The following FOXJ3 variants were observed in gnomAD, a reference collection of about 807,000 sequenced individuals.
The protein encoded by FOXJ3 is forkhead box J3.
FOXJ3 carries 22 observed loss-of-function variants against 76.1 expected under a neutral mutation model. The ratio of observed to expected loss-of-function variants is 0.29; its 90% CI spans 0.21 to 0.41. The LOEUF (loss-of-function observed/expected upper bound fraction) is 0.41, where lower values mean the gene tolerates loss of function less well. FOXJ3 is among the 10% of genes least tolerant of loss of function. The pLI, the probability that FOXJ3 is intolerant of heterozygous loss-of-function variation, is 1.00. For missense variants in FOXJ3, 613 were observed against 762.1 expected (o/e 0.80, Z 2.30); for synonymous variants, 269 against 261.2 (o/e 1.03, Z -0.29).
chr1:42,308,601 G>A (rs1046596995), intron 2 of FOXJ3, among the ~76,000 whole-genome samples: 3 of 152,072 alleles, frequency 2.0e-5, no homozygotes, highest in Non-Finnish European at 2.9e-5. Context: ...AGGGCTTCTC[G>A]GTTTATAAAT....
chr1:42,226,850 GATCTTT>G (rs1647611198), intron 5 of FOXJ3, among the ~76,000 whole-genome samples: 1 of 152,160 alleles, frequency 6.6e-6, no homozygotes, highest in African/African-American at 2.4e-5. Context: ...CCCAGTTTGA[GATCTTT>G]ATCTTTGAGG....
intron 4 of FOXJ3, among the ~76,000 whole-genome samples, chr1:42,263,862 TTTAG>T (rs1358824801): frequency 1.3e-5 from 2 of 149,552 alleles, no homozygotes; most frequent in African/African-American, 4.9e-5. Flanking sequence ...CTTGCATAAA[TTTAG>T]ATTTTAAGGG....
At chr1:42,250,798 CAAAAAAAAAAAA>C (rs61431089) in intron 4 of FOXJ3, among the ~76,000 whole-genome samples, 1 of 23,772 alleles carries the variant, frequency 4.2e-5, no homozygotes, top group Admixed American at 4.1e-4. Flanking sequence ...AACTCCATCT[CAAAAAAAAAAAA>C]AAAAAAAAAA....
intron 1 of FOXJ3, among the ~76,000 whole-genome samples, chr1:42,315,080 CA>C (rs369807638): frequency 1.0e-3 from 156 of 152,330 alleles, no homozygotes; most frequent in African/African-American, 3.6e-3. Flanking sequence ...GAAAACGACA[CA>C]AAAGACCACA....
intron 3 of FOXJ3, among the ~76,000 whole-genome samples, chr1:42,277,868 T>A (rs1454316119): frequency 1.4e-5 from 2 of 146,982 alleles, no homozygotes. Context: ...TCCCAGCTAC[T>A]CAGGAGGCTG....
chr1:42,182,005 A>G lies in FOXJ3; in HGVS notation c.1665T>C (p.Ser555=). 6.2e-7 allele frequency: 1 copy of G among 1,610,756 alleles called. No individual in the cohort carries two copies. The highest frequency in any genetic ancestry group is 8.5e-7 in the Non-Finnish European group (1 of 1,177,498). The stretch of plus-strand genomic sequence containing the variant: ...TCACTGAAGGAGGGAGATTTTGCCT[A>G]GAATCTATGTACAAATTTCCTAATC... The part of the protein sequence containing the change: ...HIGTGNLYID[S]RQNLPPSVMP... The change falls in exon 12 of 13, where the codon TCT becomes TCC. Residue 555 remains serine, a synonymous_variant. Coordinates refer to ENST00000361346, the MANE Select transcript of FOXJ3 (RefSeq NM_014947.5).
intron 2 of FOXJ3, among the ~76,000 whole-genome samples, chr1:42,291,063 T>TAGACAGAC (rs1469533310): frequency 3.4e-4 from 42 of 123,194 alleles, no homozygotes; most frequent in South Asian, 1.0e-3. Context: ...GATAGATAGA[T>TAGACAGAC]AGATAGATAG....
chr1:42,212,051 C>A (rs892073064), intron 5 of FOXJ3, among the ~76,000 whole-genome samples: 3 of 152,068 alleles, frequency 2.0e-5, no homozygotes, highest in Non-Finnish European at 4.4e-5. Flanking sequence ...GTCAGGAGTT[C>A]GAGACCAGCC....
chr1:42,240,765 A>G (rs1649073421), intron 4 of FOXJ3, among the ~76,000 whole-genome samples: 1 of 152,272 alleles, frequency 6.6e-6, no homozygotes, highest in East Asian at 1.9e-4. Flanking sequence ...TTTAGAAAAG[A>G]TAAATGTAAA....
chr1:42,295,164 G>A (rs1423743509), intron 2 of FOXJ3, among the ~76,000 whole-genome samples: 3 of 152,120 alleles, frequency 2.0e-5, no homozygotes, highest in Non-Finnish European at 2.9e-5. Flanking sequence ...ACAATCCAAA[G>A]AGTGAACATT....
chr1:42,213,599 C>A (rs1647010042), intron 5 of FOXJ3, among the ~76,000 whole-genome samples: 1 of 151,964 alleles, frequency 6.6e-6, no homozygotes, highest in African/African-American at 2.4e-5. Context: ...AGTACTACAG[C>A]TAAGAAAAGA....
intron 5 of FOXJ3, among the ~76,000 whole-genome samples, chr1:42,214,474 T>C (rs1200701431): frequency 3.3e-5 from 5 of 152,182 alleles, no homozygotes; most frequent in African/African-American, 1.2e-4. Context: ...GAAAGGTCCT[T>C]TCTGGAGTTC....
chr1:42,272,837 C>G (rs1316204342), intron 3 of FOXJ3, among the ~76,000 whole-genome samples: 1 of 152,186 alleles, frequency 6.6e-6, no homozygotes, highest in Non-Finnish European at 1.5e-5. Context: ...GTTTGGCATT[C>G]ATATATTCAT....
intron 11 of FOXJ3, among the ~76,000 whole-genome samples, chr1:42,187,234 C>G (rs1483204675): frequency 6.6e-6 from 1 of 152,228 alleles, no homozygotes; most frequent in African/African-American, 2.4e-5. Context: ...AGGTACTTAC[C>G]CCCAAACACA....
chr1:42,249,215 T>C (rs529101785), intron 4 of FOXJ3, among the ~76,000 whole-genome samples: 13 of 152,324 alleles, frequency 8.5e-5, no homozygotes, highest in African/African-American at 3.1e-4. Flanking sequence ...CATGTGCATG[T>C]ATCTTTAAAA....
intron 4 of FOXJ3, among the ~76,000 whole-genome samples, chr1:42,263,695 T>C (rs910166729): frequency 3.9e-5 from 6 of 152,202 alleles, no homozygotes; most frequent in South Asian, 4.1e-4. Context: ...TGCCTAAAGA[T>C]AGAAACGAAT....
intron 4 of FOXJ3, among the ~76,000 whole-genome samples, chr1:42,250,083 G>C (rs1429363150): frequency 1.3e-5 from 2 of 152,094 alleles, no homozygotes; most frequent in East Asian, 1.9e-4. Context: ...AAGTAGACTT[G>C]GGTTTTTACT....
intron 5 of FOXJ3, among the ~76,000 whole-genome samples, chr1:42,206,729 T>C (rs1241478933): frequency 6.6e-6 from 1 of 152,208 alleles, no homozygotes; most frequent in African/African-American, 2.4e-5. Context: ...ACTAGGAATA[T>C]TCAAATTATT....
Position 42,289,581 on chromosome 1 carries a change from T to C in FOXJ3, c.45-10909A>G, listed in dbSNP as rs191669146. Among the ~76,000 whole-genome samples the C allele has an allele frequency of 9.7e-3, 1,476 of 152,272 alleles. 8 individuals are homozygous for C. The highest frequency in any genetic ancestry group is 0.014 in the Non-Finnish European group (964 of 67,972). ...ATTCAATTCAGTTCTATGCTGTGGA[T>C]TTAAAAAGACAAAAATCTTCCCTGC... On this transcript the variant is annotated intron_variant, in intron 2 of 12. Transcript: ENST00000361346.
Sources: allele counts gnomAD v4.1 joint callset (sites outside exome capture counted in the v4.1 genomes callset), GRCh38; gene constraint gnomAD v4.1.1; transcripts MANE v1.5; gene names NCBI Gene and HGNC (gene_info 2026-07-23, HGNC 2026-07-21).